Variants in GLIS3 observed in about 807,000 individuals in gnomAD.
GLIS3 encodes zinc finger protein GLIS3.
GLIS3 carries 53 observed loss-of-function variants against 78.6 expected under a neutral mutation model. The observed-to-expected ratio is 0.67, with a 90% confidence interval of 0.54 to 0.85. The LOEUF is 0.85. GLIS3 is among the 40% of genes least tolerant of loss of function. The pLI is 0.00. For missense variants in GLIS3, 1,703 were observed against 1,231.1 expected (o/e 1.38, Z -5.74); for synonymous variants, 684 against 509.9 (o/e 1.34, Z -4.60).
chr9:4,030,182 T>C (rs187820910), intron 4 of GLIS3, among the ~76,000 whole-genome samples: 1 of 152,226 alleles, frequency 6.6e-6, no homozygotes, highest in South Asian at 2.1e-4. Flanking sequence ...TTGATTTGCA[T>C]TTCTCTGCTG....
rs1816957204 is a variant in GLIS3, at chr9:4,299,794, C to G, written c.-472G>C. On this transcript the variant is annotated 5_prime_UTR_variant, in exon 1 of 11. The change abolishes an upstream ATG in the 5' untranslated region. Coordinates refer to ENST00000381971, the MANE Select transcript of GLIS3 (RefSeq NM_001042413.2). ...GACTTTGTGCCTCGCCTGTCCTGTT[C>G]ATCCTCGTCCTGGGCCGGGGAATGC... 6.6e-6 allele frequency: 1 copy of G among 152,552 alleles called. No homozygotes were observed. The highest frequency in any genetic ancestry group is 1.5e-5 in the Non-Finnish European group (1 of 68,334). 9.4% of individuals were successfully genotyped at this position (152,552 alleles called of 1,614,324 possible).
At chr9:4,282,625 A>G (rs1827659238) in intron 2 of GLIS3, among the ~76,000 whole-genome samples, 1 of 152,134 alleles carries the variant, frequency 6.6e-6, no homozygotes, top group African/African-American at 2.4e-5. Flanking sequence ...CTTCAGACTC[A>G]GACTGCAATG....
chr9:4,237,482 T>C (rs1265504685), intron 2 of GLIS3, among the ~76,000 whole-genome samples: 3 of 152,254 alleles, frequency 2.0e-5, no homozygotes, highest in Non-Finnish European at 4.4e-5. Context: ...ATGAAATCGC[T>C]ACTTCAGGCT....
intron 2 of GLIS3, among the ~76,000 whole-genome samples, chr9:4,314,698 G>C (rs1365082076): frequency 6.6e-6 from 1 of 152,136 alleles, no homozygotes; most frequent in Admixed American, 6.5e-5. Context: ...ACATGAAAAA[G>C]AACACTGATT....
At chr9:3,953,492 T>C (rs973636181) in intron 4 of GLIS3, among the ~76,000 whole-genome samples, 1 of 152,174 alleles carries the variant, frequency 6.6e-6, no homozygotes, top group Non-Finnish European at 1.5e-5. Flanking sequence ...CTCTTAATAT[T>C]CAATGATTCC....
chr9:3,933,003 G>T, intron 5 of GLIS3: 1 of 230,512 alleles, frequency 4.3e-6, no homozygotes, highest in South Asian at 6.2e-5. Flanking sequence ...AAACAGACAC[G>T]TGAAAAATCT....
rs747090434 is a variant in GLIS3, at chr9:3,879,410, G to C, written c.2297+17C>G. 8.7e-6 allele frequency: 14 copies of C among 1,613,384 alleles called. No homozygotes were observed. The highest frequency in any genetic ancestry group is 1.2e-5 in the Non-Finnish European group (14 of 1,179,664). ...TGGCGGCGACACCTATTAGGAGAGA[G>C]AGACAGATGGCCTTACCTCTCAGCT... is the stretch of plus-strand genomic sequence containing the variant. On this transcript the variant is annotated intron_variant, in intron 8 of 10. Transcript: ENST00000381971.
chr9:4,380,398 C>G, the GLIS3 span, among the ~76,000 whole-genome samples: 1 of 152,180 alleles, frequency 6.6e-6, no homozygotes, highest in Non-Finnish European at 1.5e-5. Context: ...CAAATTATTA[C>G]TGCCCATCAA....
At chr9:3,995,303 A>G (rs1258185645) in intron 4 of GLIS3, among the ~76,000 whole-genome samples, 2 of 152,192 alleles carry the variant, frequency 1.3e-5, no homozygotes, top group Non-Finnish European at 2.9e-5. Flanking sequence ...AAATTCATAT[A>G]GAGTTAATAT....
At chr9:4,126,597 G>A (rs1433795755) in intron 2 of GLIS3, among the ~76,000 whole-genome samples, 1 of 152,104 alleles carries the variant, frequency 6.6e-6, no homozygotes, top group African/African-American at 2.4e-5. Flanking sequence ...TTTCAGTGTA[G>A]TAAAAGCTGG....
At chr9:3,991,737 C>T (rs947806698) in intron 4 of GLIS3, among the ~76,000 whole-genome samples, 4 of 121,022 alleles carry the variant, frequency 3.3e-5, no homozygotes, top group East Asian at 5.3e-4. Context: ...GTCGCCCAGG[C>T]TGGAGTGCAG....
chr9:3,898,767 C>T lies in GLIS3; in HGVS notation c.2052G>A (p.Pro684=), dbSNP rs776871579. 6.2e-6 allele frequency: 10 copies of T among 1,613,978 alleles called. No homozygotes were observed. The highest frequency in any genetic ancestry group is 4.5e-5 in the East Asian group (2 of 44,886). Residue 684 remains proline, a synonymous_variant, in exon 7 of 11, where the codon CCG becomes CCA. Coordinates refer to ENST00000381971, the MANE Select transcript of GLIS3 (RefSeq NM_001042413.2). ...CAGCAGCATCTCTAGGGGAAGTGGC[C>T]GGCTGCAGGGACTGCACGGTGAGGC... ...TDCLTVQSLQ[P]ATSPRDAAAE...
chr9:4,198,324 T>C (rs1472764258), intron 2 of GLIS3, among the ~76,000 whole-genome samples: 4 of 152,186 alleles, frequency 2.6e-5, no homozygotes, highest in African/African-American at 9.6e-5. Flanking sequence ...ATTAATCTAA[T>C]TCTAAAAATT....
At chr9:3,855,517 G>A (rs1819722164) in intron 9 of GLIS3, 1 of 186,660 alleles carries the variant, frequency 5.4e-6, no homozygotes, top group Non-Finnish European at 1.1e-5. Flanking sequence ...AAAGACAGGC[G>A]ATATAAAATC....
chr9:3,956,946 C>G (rs1167505222), intron 4 of GLIS3, among the ~76,000 whole-genome samples: 1 of 152,178 alleles, frequency 6.6e-6, no homozygotes, highest in Non-Finnish European at 1.5e-5. Context: ...GATTGAGCCC[C>G]CATATCTTCC....
In GLIS3 at chr9:4,199,375, C is replaced by G. The variant is rs553063119; in HGVS notation, c.389-73434G>C. Among the ~76,000 whole-genome samples, 8 of 151,932 alleles carry G rather than the reference C, an allele frequency of 5.3e-5. No individual in the cohort carries two copies. The East Asian group carries it at 1.5e-3, about 29-fold the overall frequency. On this transcript the variant is annotated intron_variant, in intron 2 of 10. Coordinates refer to ENST00000381971, the MANE Select transcript of GLIS3 (RefSeq NM_001042413.2). ...GTAAAGGTTTAGAGAAGATCTGTCA[C>G]ACAAATGCAACACAAAAAAGAGTAT...
intron 4 of GLIS3, among the ~76,000 whole-genome samples, chr9:4,085,440 T>G (rs1005365504): frequency 3.3e-5 from 5 of 152,148 alleles, no homozygotes; most frequent in African/African-American, 1.2e-4. Flanking sequence ...GACCTCACTT[T>G]TCTTGATGGC....
chr9:4,187,219 G>A (rs983308851), intron 2 of GLIS3, among the ~76,000 whole-genome samples: 1 of 152,164 alleles, frequency 6.6e-6, no homozygotes, highest in African/African-American at 2.4e-5. Flanking sequence ...CATATGGCTG[G>A]CCAGTTTTCC....
intron 4 of GLIS3, among the ~76,000 whole-genome samples, chr9:4,072,838 A>G (rs1827724656): frequency 6.6e-6 from 1 of 152,158 alleles, no homozygotes; most frequent in Non-Finnish European, 1.5e-5. Context: ...AGAACCTTGT[A>G]ATACACATGA....
Sources: gnomAD v4.1 joint callset for allele counts (sites outside exome capture counted in the v4.1 genomes callset) on GRCh38, gnomAD v4.1.1 for gene constraint, MANE v1.5 for transcripts, NCBI Gene and HGNC (gene_info 2026-07-23, HGNC 2026-07-21) for gene names.